CD99: variants seen among roughly 807,000 people sequenced by gnomAD.
CD99 encodes the protein CD99 molecule (Xg blood group).
CD99 carries 19 observed loss-of-function variants against 28.4 expected under a neutral mutation model. The ratio of observed to expected loss-of-function variants is 0.67; its 90% CI spans 0.47 to 0.98. CD99 has a LOEUF of 0.98. CD99 is among the 50% of genes least tolerant of loss of function. CD99 has a pLI of 0.00. For synonymous variants in CD99, 103 were observed against 92.1 expected, an observed-to-expected ratio of 1.12 and a Z score of -0.67; for missense variants, 283 against 248.8, an observed-to-expected ratio of 1.14 and a Z score of -0.92.
chrX:2,700,841 C>A (rs1201536389), intron 1 of CD99, among the ~76,000 whole-genome samples: 2 of 151,854 alleles, frequency 1.3e-5, no homozygotes, highest in Non-Finnish European at 2.9e-5. Context: ...ATCCATCCAC[C>A]TATCTGTTCA....
chrX:2,728,262 T>G (rs2124192627), intron 8 of CD99, among the ~76,000 whole-genome samples: 1 of 144,598 alleles, frequency 6.9e-6, no homozygotes, highest in Non-Finnish European at 1.5e-5. Flanking sequence ...TGGAATGCAA[T>G]GGCTCCATCT....
chrX:2,698,087 G>C (rs2047659337), intron 1 of CD99, among the ~76,000 whole-genome samples: 1 of 151,954 alleles, frequency 6.6e-6, no homozygotes. Context: ...CCACCTATGG[G>C]AAGCGGTTTC....
chrX:2,709,187 A>ACT (rs766511900), intron 1 of CD99, among the ~76,000 whole-genome samples: 4 of 78,028 alleles, frequency 5.1e-5, no homozygotes, highest in Non-Finnish European at 1.8e-4. Context: ...GTGCATGCAC[A>ACT]CATACACAGG....
rs1181404630 is a variant in CD99 at position 2,738,264 on chromosome X, G to T, written c.532+8G>T. ...CCAACGCAGAGCCAGCTGGTAAGAA[G>T]GACGGGGAACGATGGCTTGCACACG... is the stretch of plus-strand genomic sequence containing the variant. On this transcript the variant is annotated splice_region_variant and intron_variant, in intron 9 of 9. Transcript: ENST00000381192. 1 of 1,613,814 alleles carries T rather than the reference G, an allele frequency of 6.2e-7. No individual in the cohort carries two copies. The highest frequency in any genetic ancestry group is 8.5e-7 in the Non-Finnish European group (1 of 1,179,782).
intron 5 of CD99, among the ~76,000 whole-genome samples, chrX:2,720,686 G>A (rs1396197693): frequency 7.5e-6 from 1 of 132,452 alleles, no homozygotes; most frequent in East Asian, 2.3e-4. Flanking sequence ...GTGCAGTGGT[G>A]CCATCTTGGC....
chrX:2,720,526 G>C (rs2048942129), intron 5 of CD99, 102 bp downstream of exon 5: 2 of 1,050,944 alleles, frequency 1.9e-6, no homozygotes, highest in South Asian at 2.6e-5. Context: ...TGTGCTTACT[G>C]TTGACTGCCT....
At position 2,723,528 on chromosome X, in the gene CD99, G is replaced by C. The variant is rs2049109808; in HGVS notation, c.361+164G>C. The C allele has an allele frequency of 6.7e-6, 5 of 746,848 alleles. No homozygotes were observed. The Admixed American group carries it at 9.2e-5, about 14-fold the overall frequency. The allele number at this position is 746,848 out of a possible 1,614,324, so 46.3% of individuals were successfully genotyped here. A position where few individuals can be genotyped will look rare whatever the true frequency, so the allele number is the denominator to read the frequency against. ...AGTGCTCCCAAGTGATGTAGCTGCA[G>C]AGGTCCCCCAGCAAACCAGCCCTGC... On this transcript the variant is annotated intron_variant, in intron 7 of 9. Coordinates refer to ENST00000381192, the MANE Select transcript of CD99 (RefSeq NM_002414.5).
At chrX:2,714,786 C>A (rs1008755764) in intron 2 of CD99, 8 of 253,874 alleles carry the variant, frequency 3.2e-5, no homozygotes, top group Non-Finnish European at 6.0e-5. Flanking sequence ...TGCAGGCCTT[C>A]CGTTTGTAAA....
chrX:2,693,050 G>C (rs539785266), intron 1 of CD99, among the ~76,000 whole-genome samples: 163 of 152,294 alleles, frequency 1.1e-3, no homozygotes, highest in Admixed American at 0.01. Flanking sequence ...CGGCTGGTCT[G>C]GCGTTCCAGG....
intron 7 of CD99, among the ~76,000 whole-genome samples, chrX:2,725,193 G>A (rs2049210229): frequency 6.6e-6 from 1 of 151,578 alleles, no homozygotes; most frequent in East Asian, 1.9e-4. Context: ...TAGGCTGGGA[G>A]TTCGAGATCA....
chrX:2,733,358 T>A, intron 8 of CD99: 1 of 1,590,002 alleles, frequency 6.3e-7, no homozygotes, highest in Non-Finnish European at 8.6e-7. Context: ...CCATTTCAGA[T>A]GGCTGAAGAC....
chrX:2,719,805 A>G (rs919254923), intron 4 of CD99, 100 bp downstream of exon 4: 45 of 1,271,238 alleles, frequency 3.5e-5, no homozygotes, highest in African/African-American at 8.8e-5. Context: ...TATAAAGGGA[A>G]CCAGTTTTCA....
At chrX:2,733,059 C>T (rs112340932) in intron 8 of CD99, among the ~76,000 whole-genome samples, 1 of 149,306 alleles carries the variant, frequency 6.7e-6, no homozygotes, top group Non-Finnish European at 1.5e-5. Context: ...TCGTTCCTTC[C>T]CTCTTTCTGC....
rs143100001 is a variant in CD99, at chrX:2,695,712, C to T, written c.67+4285C>T. Reference sequence around the variant, plus strand: ...GCAATGGCAGGATCTTGGCTCACTGCGACCTGTGTCTCCCGGGCTCAGGCA... The same window carrying T: ...GCAATGGCAGGATCTTGGCTCACTGTGACCTGTGTCTCCCGGGCTCAGGCA... On this transcript the variant is annotated intron_variant, in intron 1 of 9. Coordinates refer to ENST00000381192, the MANE Select transcript of CD99 (RefSeq NM_002414.5). 8.9e-3 allele frequency among the ~76,000 whole-genome samples: 1,337 copies of T among 151,022 alleles called. 23 individuals carry two copies. Among genetic ancestry groups the T allele is most frequent in the African/African-American group, 0.031 (1,267 of 40,980 alleles).
At chrX:2,691,533 GC>G in intron 1 of CD99, 106 bp downstream of exon 1, 1 of 1,270,002 alleles carries the variant, frequency 7.9e-7, no homozygotes. Context: ...GACACCCGGA[GC>G]CTCCTCCCTG....
At chrX:2,717,716 C>A in intron 3 of CD99, 64 bp downstream of exon 3, 1 of 1,463,214 alleles carries the variant, frequency 6.8e-7, no homozygotes, top group East Asian at 2.3e-5. Flanking sequence ...GACAGCAGGA[C>A]GGGACTTAGG....
intron 1 of CD99, among the ~76,000 whole-genome samples, chrX:2,692,457 G>C: frequency 6.6e-6 from 1 of 152,338 alleles, no homozygotes. Context: ...TAGAGCTGCG[G>C]TGACTAGGCC....
intron 8 of CD99, among the ~76,000 whole-genome samples, chrX:2,728,200 CTTTTTTT>C (rs892410632): frequency 4.7e-5 from 5 of 106,976 alleles, no homozygotes; most frequent in East Asian, 2.3e-4. Flanking sequence ...TTGGTTGTTT[CTTTTTTT>C]TTTTTTTTTT....
intron 1 of CD99, among the ~76,000 whole-genome samples, chrX:2,702,511 C>G (rs1251285176): frequency 1.3e-5 from 2 of 152,174 alleles, no homozygotes; most frequent in Non-Finnish European, 2.9e-5. Flanking sequence ...TTCAGTGATT[C>G]TGTATTTGTG....
Sources: gnomAD v4.1 joint callset for allele counts (sites outside exome capture counted in the v4.1 genomes callset) on GRCh38, gnomAD v4.1.1 for gene constraint, MANE v1.5 for transcripts, NCBI Gene and HGNC (gene_info 2026-07-23, HGNC 2026-07-21) for gene names.